The following DPP10 variants were observed in gnomAD, a reference collection of about 807,000 sequenced individuals.
DPP10 encodes dipeptidyl peptidase like 10.
A neutral mutation model predicts 120.9 loss-of-function variants in DPP10; 33 were observed. The ratio of observed to expected loss-of-function variants is 0.27; its 90% CI spans 0.21 to 0.37. The LOEUF (loss-of-function observed/expected upper bound fraction) is 0.37. DPP10 is among the 10% of genes least tolerant of loss of function. DPP10 has a pLI of 1.00. For missense variants in DPP10, 816 were observed against 942.8 expected, an observed-to-expected ratio of 0.87 and a Z score of 1.76; for synonymous variants, 337 against 326.1, an observed-to-expected ratio of 1.03 and a Z score of -0.36.
intron 1 of DPP10, among the ~76,000 whole-genome samples, chr2:114,944,446 T>C (rs1230306971): frequency 2.0e-5 from 3 of 152,208 alleles, no homozygotes; most frequent in Non-Finnish European, 2.9e-5. Context: ...CCACCTTTCA[T>C]ATCTTTAAAT....
At chr2:114,507,045 T>C (rs919235214) in intron 1 of DPP10, among the ~76,000 whole-genome samples, 3 of 149,790 alleles carry the variant, frequency 2.0e-5, no homozygotes, top group African/African-American at 7.5e-5. Flanking sequence ...TTTTTCTTTT[T>C]TTTTCTTTTT....
chr2:114,622,260 G>A (rs1254020003), intron 1 of DPP10, among the ~76,000 whole-genome samples: 13 of 151,918 alleles, frequency 8.6e-5, no homozygotes, highest in African/African-American at 3.1e-4. Flanking sequence ...TTCACAAAAT[G>A]AGCATTATTA....
chr2:115,414,803 C>T (rs1213735854), intron 3 of DPP10, among the ~76,000 whole-genome samples: 2 of 152,154 alleles, frequency 1.3e-5, no homozygotes, highest in African/African-American at 2.4e-5. Flanking sequence ...ATACTTTGGA[C>T]AATTCATGCA....
Position 114,993,580 on chromosome 2 carries a change from GTATATATATATATATA to G in DPP10, c.61-315647_61-315632del, listed in dbSNP as rs59593945. Among the ~76,000 whole-genome samples the G allele has an allele frequency of 8.2e-5, 8 of 97,354 alleles. No individual in the cohort carries two copies. The East Asian group carries it at 2.7e-3, about 33-fold the overall frequency. 63.9% of individuals were successfully genotyped at this position (97,354 alleles called of 152,430 possible). On this transcript the variant is annotated intron_variant, in intron 1 of 25. Transcript: ENST00000410059. Reference sequence around the variant, plus strand: ...ATTCTTATTATGTGTGTGTGTGTGTGTATATATATATATATATATATATATATGAATTTATTTTTTA... The same window carrying G: ...ATTCTTATTATGTGTGTGTGTGTGTGTATATATATATGAATTTATTTTTTA...
intron 7 of DPP10, among the ~76,000 whole-genome samples, chr2:115,695,010 C>G (rs1405977900): frequency 3.3e-5 from 5 of 152,092 alleles, no homozygotes; most frequent in Non-Finnish European, 5.9e-5. Context: ...ATCCTTACAC[C>G]CTTATAACAA....
intron 1 of DPP10, among the ~76,000 whole-genome samples, chr2:115,204,011 C>T (rs1225836604): frequency 2.0e-5 from 3 of 152,178 alleles, no homozygotes; most frequent in Non-Finnish European, 4.4e-5. Flanking sequence ...ATTTCTGTGG[C>T]GATGGGCGAG....
At chr2:115,615,720 T>C (rs1362264503) in intron 5 of DPP10, among the ~76,000 whole-genome samples, 2 of 152,278 alleles carry the variant, frequency 1.3e-5, no homozygotes, top group Non-Finnish European at 1.5e-5. Flanking sequence ...ATTAGGAAAA[T>C]TAATGTCAAA....
chr2:115,138,810 G>A (rs991815155), intron 1 of DPP10, among the ~76,000 whole-genome samples: 1 of 151,962 alleles, frequency 6.6e-6, no homozygotes, highest in Non-Finnish European at 1.5e-5. Flanking sequence ...CAGAATACTC[G>A]ATCAATATCT....
chr2:114,903,894 C>G (rs1179802188), intron 1 of DPP10, among the ~76,000 whole-genome samples: 2 of 152,226 alleles, frequency 1.3e-5, no homozygotes, highest in Non-Finnish European at 2.9e-5. Flanking sequence ...AGAATGAAAT[C>G]TGCCTTACAG....
intron 3 of DPP10, among the ~76,000 whole-genome samples, chr2:115,363,687 T>C (rs1393680982): frequency 2.0e-5 from 3 of 152,198 alleles, no homozygotes; most frequent in Admixed American, 6.5e-5. Flanking sequence ...CTAAACATTA[T>C]AAACCACTTA....
chr2:114,646,925 A>G (rs1339834302), intron 1 of DPP10, among the ~76,000 whole-genome samples: 1 of 152,170 alleles, frequency 6.6e-6, no homozygotes, highest in Admixed American at 6.5e-5. Flanking sequence ...ATGCCTACTC[A>G]TTTTATCAAG....
chr2:114,506,339 A>C (rs1683653063), intron 1 of DPP10, among the ~76,000 whole-genome samples: 1 of 152,174 alleles, frequency 6.6e-6, no homozygotes, highest in Non-Finnish European at 1.5e-5. Flanking sequence ...TTCCTCCTCC[A>C]TCCCCTTTCC....
intron 3 of DPP10, among the ~76,000 whole-genome samples, chr2:115,400,352 T>G (rs144376307): frequency 5.6e-4 from 85 of 152,240 alleles, no homozygotes; most frequent in African/African-American, 1.8e-3. Context: ...AGAAGTAAAT[T>G]GCCCTGTTTA....
chr2:115,088,759 A>AAAAAAAAC lies in DPP10; in HGVS notation c.61-220473_61-220472insCAAAAAAA, dbSNP rs760121085. Among the ~76,000 whole-genome samples the AAAAAAAAC allele has an allele frequency of 7.7e-3, 1,149 of 149,898 alleles. 41 individuals are homozygous for AAAAAAAAC. Among genetic ancestry groups the AAAAAAAAC allele is most frequent in the Middle Eastern group, 0.028 (8 of 286 alleles). ...GAGCCACTGTGCCTGACAAAAAAAA[A>AAAAAAAAC]AAAAAAAAAACCAAAAAACAAAAAA... is the stretch of plus-strand genomic sequence containing the variant. On this transcript the variant is annotated intron_variant, in intron 1 of 25. Coordinates refer to ENST00000410059, the MANE Select transcript of DPP10 (RefSeq NM_020868.6).
At chr2:115,189,262 G>A (rs1182947298) in intron 1 of DPP10, among the ~76,000 whole-genome samples, 1 of 152,146 alleles carries the variant, frequency 6.6e-6, no homozygotes, top group African/African-American at 2.4e-5. Flanking sequence ...AATGCCGATT[G>A]GCTATTTTTA....
intron 3 of DPP10, among the ~76,000 whole-genome samples, chr2:115,397,222 T>G (rs1324680475): frequency 6.6e-6 from 1 of 152,172 alleles, no homozygotes. Context: ...GTTAGTCATG[T>G]TTGAGTTGGG....
rs141410063 is a variant in DPP10 at position 115,656,057 on chromosome 2, G to A, written c.442-33630G>A. 6.9e-4 allele frequency among the ~76,000 whole-genome samples: 104 copies of A among 151,138 alleles called. 2 individuals carry two copies. The East Asian group carries it at 0.019, about 28-fold the overall frequency. On this transcript the variant is annotated intron_variant, in intron 5 of 25. Transcript: ENST00000410059. ...TTCTAAATATCTGATGTGTAACATA[G>A]TATCTATATTAATAAGACAGTATTG...
intron 1 of DPP10, among the ~76,000 whole-genome samples, chr2:114,896,157 T>A (rs893807577): frequency 2.0e-5 from 3 of 152,192 alleles, no homozygotes; most frequent in East Asian, 1.9e-4. Context: ...TAGTTTGAAG[T>A]CAGGTAGCGT....
At chr2:115,500,273 A>G (rs1233269323) in intron 4 of DPP10, among the ~76,000 whole-genome samples, 2 of 151,954 alleles carry the variant, frequency 1.3e-5, no homozygotes, top group East Asian at 3.9e-4. Context: ...TAGCTACCCA[A>G]CACCAACGAA....
Sources: gnomAD v4.1 joint callset for allele counts (sites outside exome capture counted in the v4.1 genomes callset) on GRCh38, gnomAD v4.1.1 for gene constraint, MANE v1.5 for transcripts, NCBI Gene and HGNC (gene_info 2026-07-23, HGNC 2026-07-21) for gene names.